The following P4HA2 variants were observed in gnomAD, a reference collection of about 807,000 sequenced individuals.
P4HA2 encodes the protein prolyl 4-hydroxylase subunit alpha-2.
P4HA2 carries 46 observed loss-of-function variants against 76.9 expected under a neutral mutation model. The ratio of observed to expected loss-of-function variants is 0.60; its 90% CI spans 0.47 to 0.76. The LOEUF is 0.76. P4HA2 is among the 30% of genes least tolerant of loss of function. The probability of loss-of-function intolerance (pLI) is 0.00; values close to 1 mark genes in which losing one functional copy is unlikely to be tolerated. For synonymous variants in P4HA2, 243 were observed against 254.0 expected, an observed-to-expected ratio of 0.96 and a Z score of 0.41; for missense variants, 583 against 669.4, an observed-to-expected ratio of 0.87 and a Z score of 1.42.
rs543672569 is a variant in P4HA2 at position 132,191,287 on chromosome 5, C to T, written c.*1723G>A. Among the ~76,000 whole-genome samples, 17 of 152,008 alleles carry T rather than the reference C, an allele frequency of 1.1e-4. No individual in the cohort carries two copies. The highest frequency in any genetic ancestry group is 2.1e-4 in the South Asian group (1 of 4,820). On this transcript the variant is annotated 3_prime_UTR_variant, in exon 15 of 15. Coordinates refer to ENST00000360568, the MANE Select transcript of P4HA2 (RefSeq NM_001017974.2). ...CAGCACTTTGGGAGGCCGAGGCGGG[C>T]GGATCACGAGGTCAGGAGATCGAGA...
chr5:132,216,115 G>T (rs13166932), intron 4 of P4HA2, among the ~76,000 whole-genome samples: 1 of 125,952 alleles, frequency 7.9e-6, no homozygotes, highest in Admixed American at 1.0e-4. Flanking sequence ...AGTGAGCCGA[G>T]ATCCCGCCAC....
At chr5:132,226,452 C>T (rs1235408311) in intron 1 of P4HA2, among the ~76,000 whole-genome samples, 1 of 152,104 alleles carries the variant, frequency 6.6e-6, no homozygotes, top group Non-Finnish European at 1.5e-5. Context: ...GATCCCAATG[C>T]TCTCCTGCAC....
At chr5:132,204,856 C>T (rs1751983313) in intron 8 of P4HA2, among the ~76,000 whole-genome samples, 1 of 152,260 alleles carries the variant, frequency 6.6e-6, no homozygotes, top group African/African-American at 2.4e-5. Flanking sequence ...CCTGCATCTA[C>T]TTCATCTCCC....
At chr5:132,212,539 G>C (rs533302934) in intron 5 of P4HA2, among the ~76,000 whole-genome samples, 15 of 152,264 alleles carry the variant, frequency 9.9e-5, no homozygotes, top group Non-Finnish European at 2.1e-4. Context: ...TTTACAAGGA[G>C]ATGAGGATTT....
chr5:132,214,964 C>T (rs1753634737), intron 4 of P4HA2, among the ~76,000 whole-genome samples: 1 of 152,188 alleles, frequency 6.6e-6, no homozygotes, highest in African/African-American at 2.4e-5. Flanking sequence ...CCCAGGCTGA[C>T]TTAGGGCCTT....
chr5:132,213,969 A>C lies in P4HA2; in HGVS notation c.416T>G (p.Leu139Arg), dbSNP rs762090563. The change falls in exon 5 of 15, where the codon CTT (leucine) becomes CGT (arginine). Residue 139 changes from leucine to arginine, a missense_variant. Coordinates refer to ENST00000360568, the MANE Select transcript of P4HA2 (RefSeq NM_001017974.2). ...EIGAAKALMR[L>R]QDTYRLDPGT... ...TGGGTCCAGCCTGTATGTGTCCTGA[A>C]GTCTCATCAGGGCTTTGGCAGCTCC... 1.2e-6 allele frequency: 2 copies of C among 1,613,710 alleles called. No homozygotes were observed. The highest frequency in any genetic ancestry group is 1.7e-6 in the Non-Finnish European group (2 of 1,179,542).
At position 132,193,067 on chromosome 5, in the gene P4HA2, C is replaced by T. The variant is rs1433733601; in HGVS notation, c.1545G>A (p.Trp515Ter). 1.2e-6 allele frequency: 2 copies of T among 1,612,030 alleles called. No homozygotes were observed. The highest frequency in any genetic ancestry group is 2.7e-5 in the African/African-American group (2 of 74,910). ...LVGCKWVSNK[W>*]FHERGQEFLR... Reference sequence around the variant, plus strand: ...AGAACTCCTGTCCTCGTTCATGGAACCACTTATTGGAGACTGTGAAAAGAA... The same window carrying T: ...AGAACTCCTGTCCTCGTTCATGGAATCACTTATTGGAGACTGTGAAAAGAA... The change falls in exon 15 of 15, where the codon TGG (tryptophan) becomes TGA (stop). Residue 515 changes from tryptophan to a stop codon, truncating the protein, a stop_gained. Transcript: ENST00000360568. LOFTEE classifies it high-confidence loss of function.
rs138783929 is a variant in P4HA2, at chr5:132,207,795, G to A, written c.993C>T (p.Asp331=). ...QLLIAPFKEE[D]EWDSPHIVRY... is the part of the protein sequence containing the mutation. ...TGACGATGTGCGGGCTGTCCCACTC[G>A]TCCTCCTCTTTGAAGGGGGCAATGA... is the stretch of plus-strand genomic sequence containing the variant. Residue 331 remains aspartate, a synonymous_variant, in exon 8 of 15, where the codon GAC becomes GAT. Transcript: ENST00000360568. 51 of 1,613,210 alleles carry A rather than the reference G, an allele frequency of 3.2e-5. No homozygotes were observed. The highest frequency in any genetic ancestry group is 1.8e-4 in the Admixed American group (11 of 59,996).
At chr5:132,208,445 TG>T (rs1297701640) in intron 7 of P4HA2, among the ~76,000 whole-genome samples, 3 of 2,052 alleles carry the variant, frequency 1.5e-3, no homozygotes, top group African/African-American at 8.1e-3. Context: ...GAGGGGGGAA[TG>T]GGGGGAGGGG....
chr5:132,200,974 G>C (rs1751405327), intron 10 of P4HA2: 1 of 152,232 alleles, frequency 6.6e-6, no homozygotes, highest in Admixed American at 6.5e-5. Flanking sequence ...GGACCATCTA[G>C]ATTTGCAGCA....
intron 4 of P4HA2, 52 bp downstream of exon 4, chr5:132,217,145 A>G: frequency 6.4e-7 from 1 of 1,561,026 alleles, no homozygotes; most frequent in Non-Finnish European, 8.8e-7. Context: ...CAACCCAGGC[A>G]TGAGCACACA....
At position 132,193,070 on chromosome 5, in the gene P4HA2, C is replaced by T. The variant is rs746044508; in HGVS notation, c.1542G>A (p.Lys514=). Reference sequence around the variant, plus strand: ...ACTCCTGTCCTCGTTCATGGAACCACTTATTGGAGACTGTGAAAAGAAAGC... The same window carrying T: ...ACTCCTGTCCTCGTTCATGGAACCATTTATTGGAGACTGTGAAAAGAAAGC... ...VLVGCKWVSN[K]WFHERGQEFL... is the part of the protein sequence containing the mutation. The change falls in exon 15 of 15, where the codon AAG becomes AAA. Residue 514 remains lysine (K), a synonymous_variant. Coordinates refer to ENST00000360568, the MANE Select transcript of P4HA2 (RefSeq NM_001017974.2). The T allele has an allele frequency of 6.2e-7, 1 of 1,611,946 alleles. No individual in the cohort carries two copies. The highest frequency in any genetic ancestry group is 1.1e-5 in the South Asian group (1 of 91,028).
At chr5:132,226,699 G>C (rs200189573) in intron 1 of P4HA2, 1 of 152,284 alleles carries the variant, frequency 6.6e-6, no homozygotes, top group Non-Finnish European at 1.5e-5. Context: ...GGACCCACCT[G>C]GGCTGTCCAG....
intron 8 of P4HA2, 61 bp downstream of exon 8, chr5:132,207,647 G>T: frequency 6.9e-7 from 1 of 1,449,040 alleles, no homozygotes; most frequent in Non-Finnish European, 9.6e-7. Flanking sequence ...CATAGTGCTA[G>T]GGATGAGAAA....
At position 132,204,874 on chromosome 5, in the gene P4HA2, CCA is replaced by C. The variant is rs1751986819; in HGVS notation, c.1081-724_1081-723del. Among the ~76,000 whole-genome samples, 3 of 152,374 alleles carry C rather than the reference CCA, an allele frequency of 2.0e-5. No individual in the cohort carries two copies. The South Asian group carries it at 6.2e-4, about 32-fold the overall frequency. On this transcript the variant is annotated intron_variant, in intron 8 of 14. Transcript: ENST00000360568. ...GCATCTACTTCATCTCCCCCAGCCT[CCA>C]CAGTTAGGCTTAGTGAAACCCCAAG...
chr5:132,222,660 G>A (rs1754801596), intron 1 of P4HA2, among the ~76,000 whole-genome samples: 2 of 152,162 alleles, frequency 1.3e-5, no homozygotes, highest in Non-Finnish European at 2.9e-5. Context: ...ACCATGCCAG[G>A]TTTCGTATCT....
chr5:132,200,422 AGGAAGCCTGGTTCAG>A (rs1352456261), intron 10 of P4HA2: 1 of 162,912 alleles, frequency 6.1e-6, no homozygotes, highest in African/African-American at 2.4e-5. Context: ...CAACAGCACA[AGGAAGCCTGGTTCAG>A]CAGGTGGCCC....
At position 132,195,449 on chromosome 5, in the gene P4HA2, A is replaced by G; in HGVS notation, c.1397T>C (p.Val466Ala). 1 of 1,613,536 alleles carries G rather than the reference A, an allele frequency of 6.2e-7. No homozygotes were observed. Among genetic ancestry groups the G allele is most frequent in the South Asian group, 1.1e-5 (1 of 91,072 alleles). ...MSDVEAGGAT[V>A]FPDLGAAIWP... ...AATTGCAGCCCCCAGATCAGGGAAG[A>G]CGGTGGCACCACCAGCTTCTACATC... Residue 466 changes from valine to alanine, a missense_variant, in exon 13 of 15, where the codon GTC becomes GCC. Coordinates refer to ENST00000360568, the MANE Select transcript of P4HA2 (RefSeq NM_001017974.2).
chr5:132,217,117 A>T (rs1754013721), intron 4 of P4HA2, 80 bp downstream of exon 4: 2 of 1,403,372 alleles, frequency 1.4e-6, no homozygotes, highest in Admixed American at 3.9e-5. Flanking sequence ...CCCAGACCCA[A>T]GACAGGCTCA....
Sources: gnomAD v4.1 joint callset for allele counts (sites outside exome capture counted in the v4.1 genomes callset) on GRCh38, gnomAD v4.1.1 for gene constraint, MANE v1.5 for transcripts, NCBI Gene and HGNC (gene_info 2026-07-23, HGNC 2026-07-21) for gene names.